The following TAF4B variants were observed in gnomAD, a reference collection of about 807,000 sequenced individuals.
TAF4B encodes transcription initiation factor TFIID subunit 4B.
A neutral mutation model predicts 86.4 loss-of-function variants in TAF4B; 38 were observed. The observed-to-expected ratio is 0.44, with a 90% CI of 0.34 to 0.58. The LOEUF is 0.58. Ranked by LOEUF, TAF4B falls within the 20% of genes least tolerant of loss-of-function variation. The pLI is 0.02. For missense variants in TAF4B, 988 were observed against 1,027.6 expected (o/e 0.96, Z 0.53); for synonymous variants, 388 against 391.2 (o/e 0.99, Z 0.10).
chr18:26,307,030 C>T (rs1003204418), intron 9 of TAF4B, among the ~76,000 whole-genome samples: 1 of 152,062 alleles, frequency 6.6e-6, no homozygotes, highest in Non-Finnish European at 1.5e-5. Context: ...ACCTCGTGAT[C>T]CACCTGCCTC....
chr18:26,376,196 G>A (rs540951265), intron 14 of TAF4B, among the ~76,000 whole-genome samples: 6 of 147,658 alleles, frequency 4.1e-5, no homozygotes, highest in South Asian at 4.3e-4. Flanking sequence ...ATTTTCATGC[G>A]TATTTTAGGA....
intron 1 of TAF4B, among the ~76,000 whole-genome samples, chr18:26,247,790 G>A (rs1225200486): frequency 1.3e-5 from 2 of 152,184 alleles, no homozygotes; most frequent in Non-Finnish European, 2.9e-5. Flanking sequence ...GCTGAGGCAC[G>A]AGAATCACTT....
intron 14 of TAF4B, among the ~76,000 whole-genome samples, chr18:26,361,694 G>A (rs1350691628): frequency 1.4e-4 from 20 of 145,746 alleles, no homozygotes; most frequent in Admixed American, 1.3e-3. Flanking sequence ...GCTGTGAGCC[G>A]AGATCGCGCC....
chr18:26,379,263 T>TA (rs949278936), intron 14 of TAF4B, among the ~76,000 whole-genome samples: 4 of 152,104 alleles, frequency 2.6e-5, no homozygotes, highest in Admixed American at 2.0e-4. Context: ...TGCTGTATCC[T>TA]AAAAAAACCT....
At chr18:26,376,588 T>G (rs1181488121) in intron 14 of TAF4B, among the ~76,000 whole-genome samples, 1 of 152,028 alleles carries the variant, frequency 6.6e-6, no homozygotes, top group African/African-American at 2.4e-5. Context: ...TGTGAGTTTC[T>G]TGGGATTTTC....
intron 1 of TAF4B, among the ~76,000 whole-genome samples, chr18:26,260,419 G>A (rs1004797993): frequency 2.0e-5 from 3 of 152,092 alleles, no homozygotes; most frequent in Non-Finnish European, 4.4e-5. Context: ...TTTTAGGTCT[G>A]ACATTTAAGT....
At chr18:26,288,852 A>G (rs981177562) in intron 7 of TAF4B, among the ~76,000 whole-genome samples, 4 of 152,222 alleles carry the variant, frequency 2.6e-5, no homozygotes, top group African/African-American at 4.8e-5. Context: ...CAATAAAGAA[A>G]TAATGCAACA....
rs59457633 is a variant in TAF4B at position 26,309,245 on chromosome 18, A to ATTTTTTTT, written c.1833-5956_1833-5949dup. On this transcript the variant is annotated intron_variant, in intron 9 of 14. Transcript: ENST00000269142. ...CACTTTAGGGAAAAAACCTGACAGT[A>ATTTTTTTT]TTTTTTTTTTTTTTTTTTTTTTTTT... Among the ~76,000 whole-genome samples the ATTTTTTTT allele has an allele frequency of 1.4e-4, 12 of 84,590 alleles. 1 individual carries two copies. The highest frequency in any genetic ancestry group is 4.6e-4 in the African/African-American group (12 of 26,002). 55.5% of individuals were successfully genotyped at this position (84,590 alleles called of 152,430 possible). A position where few individuals can be genotyped will look rare whatever the true frequency, so the allele number is the denominator to read the frequency against.
chr18:26,368,164 T>C (rs2057383796), intron 14 of TAF4B, among the ~76,000 whole-genome samples: 1 of 152,212 alleles, frequency 6.6e-6, no homozygotes, highest in Non-Finnish European at 1.5e-5. Context: ...GTTTTTTTTA[T>C]AACTTAGAAA....
intron 12 of TAF4B, among the ~76,000 whole-genome samples, chr18:26,334,338 G>C (rs2057074151): frequency 6.6e-6 from 1 of 152,202 alleles, no homozygotes; most frequent in Non-Finnish European, 1.5e-5. Flanking sequence ...TATTTAGTTA[G>C]CTATCTAGAT....
At chr18:26,357,172 T>A (rs1352474049) in intron 13 of TAF4B, among the ~76,000 whole-genome samples, 1 of 152,188 alleles carries the variant, frequency 6.6e-6, no homozygotes, top group Non-Finnish European at 1.5e-5. Flanking sequence ...AGAGCCTTAC[T>A]GTCTCCATTA....
chr18:26,355,812 T>C (rs1362637375), intron 13 of TAF4B, among the ~76,000 whole-genome samples: 2 of 152,224 alleles, frequency 1.3e-5, no homozygotes, highest in African/African-American at 4.8e-5. Flanking sequence ...TTTTGTCACC[T>C]AGAAGTTCTG....
At chr18:26,282,223 T>A (rs2144585066) in intron 6 of TAF4B, among the ~76,000 whole-genome samples, 163 bp downstream of exon 6, 1 of 152,256 alleles carries the variant, frequency 6.6e-6, no homozygotes, top group Admixed American at 6.5e-5. Context: ...TTCATAATAT[T>A]ATTTTAATTT....
chr18:26,322,240 C>T (rs1051516342), intron 11 of TAF4B, among the ~76,000 whole-genome samples: 2 of 152,004 alleles, frequency 1.3e-5, no homozygotes, highest in African/African-American at 4.8e-5. Context: ...TACTACACCA[C>T]CAGTAAGTTC....
At chr18:26,338,617 T>A (rs759803304) in intron 13 of TAF4B, among the ~76,000 whole-genome samples, 1 of 151,838 alleles carries the variant, frequency 6.6e-6, no homozygotes, top group Non-Finnish European at 1.5e-5. Context: ...TAGCTGAGAT[T>A]ACAGGCATGT....
chr18:26,243,797 C>A (rs1030526765), intron 1 of TAF4B, among the ~76,000 whole-genome samples: 3 of 152,168 alleles, frequency 2.0e-5, no homozygotes, highest in Non-Finnish European at 4.4e-5. Flanking sequence ...AGTTTTCCTT[C>A]TAACAGTCAG....
chr18:26,235,847 A>G (rs1283764406), intron 1 of TAF4B, among the ~76,000 whole-genome samples: 2 of 152,182 alleles, frequency 1.3e-5, no homozygotes, highest in Non-Finnish European at 2.9e-5. Flanking sequence ...CTCATTGATG[A>G]GTCTAAGATC....
intron 3 of TAF4B, among the ~76,000 whole-genome samples, chr18:26,273,163 G>A (rs1471933867): frequency 6.6e-6 from 1 of 152,094 alleles, no homozygotes; most frequent in Non-Finnish European, 1.5e-5. Context: ...GCAAAAGTGT[G>A]GAAAAATCAC....
chr18:26,345,337 C>T (rs747398413), intron 13 of TAF4B, among the ~76,000 whole-genome samples: 7 of 152,348 alleles, frequency 4.6e-5, no homozygotes, highest in East Asian at 3.9e-4. Context: ...CTGTGTTTTT[C>T]GCAAAAGTAA....
Sources: allele counts gnomAD v4.1 joint callset (sites outside exome capture counted in the v4.1 genomes callset), GRCh38; gene constraint gnomAD v4.1.1; transcripts MANE v1.5; gene names NCBI Gene and HGNC (gene_info 2026-07-23, HGNC 2026-07-21).